RBMS3: variants seen among roughly 807,000 people sequenced by gnomAD.
RBMS3 encodes RNA binding motif single stranded interacting protein 3, also known as RNA-binding motif, single-stranded-interacting protein 3.
Under a neutral mutation model 66.8 loss-of-function variants are expected in RBMS3, and 27 were observed. The ratio of observed to expected loss-of-function variants is 0.40; its 90% confidence interval spans 0.30 to 0.56. The LOEUF is 0.56. RBMS3 is among the 20% of genes least tolerant of loss of function. The pLI is 0.40. For missense variants in RBMS3, 513 were observed against 549.5 expected, an observed-to-expected ratio of 0.93 and a Z score of 0.66; for synonymous variants, 188 against 183.0, an observed-to-expected ratio of 1.03 and a Z score of -0.22.
chr3:29,632,265 A>G (rs951038107), intron 4 of RBMS3, among the ~76,000 whole-genome samples: 3 of 151,648 alleles, frequency 2.0e-5, no homozygotes, highest in African/African-American at 7.2e-5. Context: ...ACCCAGTATG[A>G]GAAATAAAAA....
intron 3 of RBMS3, among the ~76,000 whole-genome samples, chr3:29,565,762 T>A (rs1357370816): frequency 2.6e-5 from 4 of 152,306 alleles, no homozygotes; most frequent in African/African-American, 9.6e-5. Flanking sequence ...TAGTTCTTTA[T>A]GAAAAAAATT....
chr3:29,707,197 A>G (rs112722005), intron 4 of RBMS3, among the ~76,000 whole-genome samples: 3 of 152,202 alleles, frequency 2.0e-5, no homozygotes, highest in Admixed American at 6.5e-5. Context: ...CCCAAAAACT[A>G]TAAAATTTTA....
At position 30,008,306 on chromosome 3, in the gene RBMS3, T is replaced by A. The variant is rs924414449; in HGVS notation, c.*4444T>A. 2.0e-5 allele frequency: 3 copies of A among 150,866 alleles called. No homozygotes were observed. Among genetic ancestry groups the A allele is most frequent in the African/African-American group, 7.3e-5 (3 of 40,846 alleles). The allele number at this position is 150,866 out of a possible 1,614,324, so 9.3% of individuals were successfully genotyped here. ...AATTCATTTTCATTCTTAATTTGAG[T>A]GCATGAACCACTGCAGATGAGCTGA... On this transcript the variant is annotated 3_prime_UTR_variant, in exon 15 of 15. Transcript: ENST00000383767.
chr3:29,792,125 G>C (rs2057031869), intron 6 of RBMS3, among the ~76,000 whole-genome samples: 1 of 152,042 alleles, frequency 6.6e-6, no homozygotes, highest in South Asian at 2.1e-4. Context: ...AATCACAACT[G>C]TTCACTATAT....
At chr3:29,685,833 T>C (rs141228443) in intron 4 of RBMS3, among the ~76,000 whole-genome samples, 69 of 152,304 alleles carry the variant, frequency 4.5e-4, no homozygotes, top group African/African-American at 1.6e-3. Context: ...GCACGTTCCG[T>C]CACAGTTAGT....
At position 29,488,510 on chromosome 3, in the gene RBMS3, G is replaced by A. The variant is rs370889559; in HGVS notation, c.307+11G>A. 9.3e-6 allele frequency: 15 copies of A among 1,606,834 alleles called. No homozygotes were observed. Among genetic ancestry groups the A allele is most frequent in the African/African-American group, 4.0e-5 (3 of 74,698 alleles). On this transcript the variant is annotated intron_variant, in intron 3 of 14. Coordinates refer to ENST00000383767, the MANE Select transcript of RBMS3 (RefSeq NM_001003793.3). ...CAAATCAGTGCAAAGGTATGTGTAA[G>A]GGCATCCGTACCCTGAAATCTTGCC...
intron 3 of RBMS3, among the ~76,000 whole-genome samples, chr3:29,536,529 A>C (rs2149002835): frequency 6.6e-6 from 1 of 152,270 alleles, no homozygotes; most frequent in East Asian, 1.9e-4. Context: ...TGCTATTATA[A>C]CTACACCACA....
At chr3:29,949,599 A>G (rs1559829904) in intron 12 of RBMS3, among the ~76,000 whole-genome samples, 1 of 151,724 alleles carries the variant, frequency 6.6e-6, no homozygotes, top group Non-Finnish European at 1.5e-5. Flanking sequence ...GAGCTTTTTT[A>G]TTTCATAAAA....
chr3:29,413,381 C>T (rs1388601168), intron 1 of RBMS3, among the ~76,000 whole-genome samples: 1 of 101,806 alleles, frequency 9.8e-6, no homozygotes. Flanking sequence ...TTCATACATA[C>T]ATACATACAT....
intron 5 of RBMS3, among the ~76,000 whole-genome samples, chr3:29,744,173 C>A (rs937686829): frequency 6.6e-6 from 1 of 152,036 alleles, no homozygotes; most frequent in Admixed American, 6.6e-5. Context: ...CTCAAAATTA[C>A]TAATAAGGAA....
At position 29,318,522 on chromosome 3, in the gene RBMS3, A is replaced by C. The variant is rs2034825121; in HGVS notation, c.75+36766A>C. Among the ~76,000 whole-genome samples, 3 of 151,902 alleles carry C rather than the reference A, an allele frequency of 2.0e-5. 1 individual carries two copies. In the East Asian group the frequency reaches 5.8e-4, roughly 29 times the overall value. ...AAGGTCCTTACTGTTTTAACTCATC[A>C]AACACAAGAGGTCCTTCCCATGGAA... On this transcript the variant is annotated intron_variant, in intron 1 of 14. Coordinates refer to ENST00000383767, the MANE Select transcript of RBMS3 (RefSeq NM_001003793.3).
intron 6 of RBMS3, among the ~76,000 whole-genome samples, chr3:29,781,448 A>C (rs2056629007): frequency 6.6e-6 from 1 of 152,084 alleles, no homozygotes; most frequent in Non-Finnish European, 1.5e-5. Flanking sequence ...TCTCCAGCTG[A>C]ATATTTTGAT....
At chr3:29,638,752 T>A (rs1162198544) in intron 4 of RBMS3, among the ~76,000 whole-genome samples, 1 of 151,870 alleles carries the variant, frequency 6.6e-6, no homozygotes, top group Non-Finnish European at 1.5e-5. Flanking sequence ...TTTCTCCTAC[T>A]CTAAAATTTC....
At chr3:29,993,392 G>A (rs1283210158) in intron 14 of RBMS3, among the ~76,000 whole-genome samples, 1 of 152,152 alleles carries the variant, frequency 6.6e-6, no homozygotes, top group Non-Finnish European at 1.5e-5. Flanking sequence ...ATTGATTGGT[G>A]GGAGATGAGA....
chr3:29,954,592 A>G (rs527280533), intron 12 of RBMS3, among the ~76,000 whole-genome samples: 1 of 152,072 alleles, frequency 6.6e-6, no homozygotes, highest in Non-Finnish European at 1.5e-5. Context: ...GAAATCTTTT[A>G]CCAATTGGTG....
intron 4 of RBMS3, among the ~76,000 whole-genome samples, chr3:29,589,696 A>C (rs948632959): frequency 6.6e-6 from 1 of 152,038 alleles, no homozygotes; most frequent in Admixed American, 6.6e-5. Flanking sequence ...ACTATTATTT[A>C]TTATCATATA....
At chr3:29,320,804 C>A (rs1409678657) in intron 1 of RBMS3, among the ~76,000 whole-genome samples, 1 of 151,640 alleles carries the variant, frequency 6.6e-6, no homozygotes, top group African/African-American at 2.4e-5. Context: ...TACAGAAATG[C>A]AGATAAAAAT....
chr3:29,777,042 C>T (rs990710631), intron 6 of RBMS3, among the ~76,000 whole-genome samples: 2 of 151,778 alleles, frequency 1.3e-5, no homozygotes, highest in African/African-American at 2.4e-5. Context: ...TTGTATGATC[C>T]CAAACTTCTT....
chr3:29,547,993 T>C (rs1457877882), intron 3 of RBMS3, among the ~76,000 whole-genome samples: 1 of 151,894 alleles, frequency 6.6e-6, no homozygotes, highest in Non-Finnish European at 1.5e-5. Flanking sequence ...CGGGGTTTTC[T>C]ATGTTGGCCA....
Sources: allele counts gnomAD v4.1 joint callset (sites outside exome capture counted in the v4.1 genomes callset), GRCh38; gene constraint gnomAD v4.1.1; transcripts MANE v1.5; gene names NCBI Gene and HGNC (gene_info 2026-07-23, HGNC 2026-07-21).